RBPJ: variants seen among roughly 807,000 people sequenced by gnomAD.
The protein encoded by RBPJ is recombining binding protein suppressor of hairless.
A neutral mutation model predicts 67.8 loss-of-function variants in RBPJ; 9 were observed. The ratio of observed to expected loss-of-function variants is 0.13; its 90% CI spans 0.08 to 0.23. The LOEUF (loss-of-function observed/expected upper bound fraction) is 0.23. Ranked by LOEUF, RBPJ falls within the 10% of genes least tolerant of loss-of-function variation. The pLI is 1.00. For missense variants in RBPJ, 305 were observed against 595.6 expected, an observed-to-expected ratio of 0.51 and a Z score of 5.08; for synonymous variants, 198 against 203.3, an observed-to-expected ratio of 0.97 and a Z score of 0.22.
At chr4:26,112,155 T>C in the RBPJ span, 1 of 153,040 alleles carries the variant, frequency 6.5e-6, no homozygotes, top group South Asian at 2.1e-4. Flanking sequence ...CCAAGACAAG[T>C]ATTTTTGGGA....
intron 1 of RBPJ, among the ~76,000 whole-genome samples, chr4:26,287,423 T>C (rs1040182068): frequency 1.3e-5 from 2 of 151,272 alleles, no homozygotes; most frequent in African/African-American, 2.4e-5. Flanking sequence ...CATGGTGGCA[T>C]GCTCCTGTAG....
intron 1 of RBPJ, among the ~76,000 whole-genome samples, chr4:26,383,734 GA>G (rs1730543865): frequency 6.6e-6 from 1 of 152,138 alleles, no homozygotes; most frequent in Non-Finnish European, 1.5e-5. Flanking sequence ...TTGTTTTGTG[GA>G]AAAAGATTCA....
the RBPJ span, among the ~76,000 whole-genome samples, chr4:26,118,877 G>A: frequency 6.6e-6 from 1 of 152,090 alleles, no homozygotes; most frequent in Admixed American, 6.5e-5. Context: ...TTGAAAACTT[G>A]AGGCTTTCTT....
intron 1 of RBPJ, among the ~76,000 whole-genome samples, chr4:26,305,673 A>AT (rs1405829257): frequency 6.6e-6 from 1 of 150,714 alleles, no homozygotes; most frequent in Non-Finnish European, 1.5e-5. Context: ...ATAGAATACA[A>AT]TTTTTTTATA....
chr4:26,331,226 GTAGTTGGGAC>G (rs1724218046), intron 1 of RBPJ, among the ~76,000 whole-genome samples: 1 of 152,084 alleles, frequency 6.6e-6, no homozygotes, highest in Non-Finnish European at 1.5e-5. Context: ...AGCTTCCTGA[GTAGTTGGGAC>G]TAGGTGCACG....
At position 26,254,427 on chromosome 4, in the gene RBPJ, G is replaced by A. The variant is rs1577361109; in HGVS notation, c.-167+90813G>A. 2.0e-5 allele frequency among the ~76,000 whole-genome samples: 3 copies of A among 148,432 alleles called. 1 individual carries two copies. Among genetic ancestry groups the A allele is most frequent in the African/African-American group, 5.3e-5 (2 of 37,990 alleles). On this transcript the variant is annotated intron_variant, in intron 1 of 4. Coordinates refer to the RBPJ transcript ENST00000512351. ...TTCCACTCAACTTTAGGGTCTCAGG[G>A]CTTGCCATGTCCTCTTCCTAGAAGG...
At chr4:26,419,714 T>C (rs1402819739) in intron 4 of RBPJ, among the ~76,000 whole-genome samples, 1 of 152,162 alleles carries the variant, frequency 6.6e-6, no homozygotes, top group Non-Finnish European at 1.5e-5. Flanking sequence ...TTTAGACCCC[T>C]CCCTGATTCA....
At chr4:26,261,329 T>C (rs182081731) in intron 1 of RBPJ, among the ~76,000 whole-genome samples, 6 of 152,228 alleles carry the variant, frequency 3.9e-5, no homozygotes, top group African/African-American at 1.4e-4. Context: ...TGGATTCTTT[T>C]TTTTAAGGTA....
At chr4:26,387,238 C>T (rs998501825) in intron 2 of RBPJ, among the ~76,000 whole-genome samples, 3 of 152,058 alleles carry the variant, frequency 2.0e-5, no homozygotes, top group Non-Finnish European at 2.9e-5. Context: ...AGCTGTTACA[C>T]TTAAAGAACG....
intron 1 of RBPJ, among the ~76,000 whole-genome samples, chr4:26,275,013 G>T (rs1370202374): frequency 6.6e-6 from 1 of 152,164 alleles, no homozygotes; most frequent in East Asian, 1.9e-4. Context: ...GCTAGAGGAA[G>T]GGATTAGAAG....
intron 1 of RBPJ, among the ~76,000 whole-genome samples, chr4:26,199,747 A>G (rs757615450): frequency 2.0e-5 from 3 of 152,192 alleles, no homozygotes; most frequent in Non-Finnish European, 4.4e-5. Flanking sequence ...GGTGTTGAAA[A>G]TGTCCTGGAA....
intron 1 of RBPJ, among the ~76,000 whole-genome samples, chr4:26,329,581 A>G (rs753692231): frequency 6.6e-6 from 1 of 152,148 alleles, no homozygotes; most frequent in Non-Finnish European, 1.5e-5. Context: ...TGATGTGAGG[A>G]TTAATAAGAG....
At chr4:26,275,985 C>A (rs1475483333) in intron 1 of RBPJ, among the ~76,000 whole-genome samples, 1 of 150,136 alleles carries the variant, frequency 6.7e-6, no homozygotes, top group African/African-American at 2.4e-5. Context: ...AGCTTTAAAG[C>A]TATTGTAGGC....
At chr4:26,392,413 A>G (rs904367323) in intron 2 of RBPJ, among the ~76,000 whole-genome samples, 1 of 152,228 alleles carries the variant, frequency 6.6e-6, no homozygotes, top group African/African-American at 2.4e-5. Flanking sequence ...CATAACCCCA[A>G]TATCCAGCAA....
intron 3 of RBPJ, among the ~76,000 whole-genome samples, chr4:26,407,208 A>C (rs1733508209): frequency 6.6e-6 from 1 of 152,210 alleles, no homozygotes; most frequent in Non-Finnish European, 1.5e-5. Context: ...CGTTTTGCAA[A>C]GGAAAAGGCT....
chr4:26,412,168 G>A (rs1734096464), intron 3 of RBPJ, among the ~76,000 whole-genome samples: 1 of 150,338 alleles, frequency 6.7e-6, no homozygotes, highest in South Asian at 2.1e-4. Flanking sequence ...TTTGACTACT[G>A]TATTTGGCAT....
At chr4:26,121,024 G>A in the RBPJ span, among the ~76,000 whole-genome samples, 9 of 151,814 alleles carry the variant, frequency 5.9e-5, no homozygotes, top group Non-Finnish European at 1.0e-4. Flanking sequence ...GAGGGGTAGG[G>A]GGAGAAGCAG....
At chr4:26,422,650 A>T (rs1296464003) in intron 5 of RBPJ, among the ~76,000 whole-genome samples, 1 of 152,074 alleles carries the variant, frequency 6.6e-6, no homozygotes, top group African/African-American at 2.4e-5. Context: ...GTTATATTTT[A>T]GTCCACTCAG....
the RBPJ span, among the ~76,000 whole-genome samples, chr4:26,128,962 C>T: frequency 6.6e-5 from 10 of 152,194 alleles, no homozygotes; most frequent in African/African-American, 1.9e-4. Context: ...TCCCCAGCTA[C>T]GTGGAACTAT....
Sources: allele counts gnomAD v4.1 joint callset (sites outside exome capture counted in the v4.1 genomes callset), GRCh38; gene constraint gnomAD v4.1.1; transcripts MANE v1.5; gene names NCBI Gene and HGNC (gene_info 2026-07-23, HGNC 2026-07-21).